The following RIMS2 variants were observed in gnomAD, a reference collection of about 807,000 sequenced individuals.
RIMS2 encodes regulating synaptic membrane exocytosis protein 2.
Under a neutral mutation model 174.4 loss-of-function variants are expected in RIMS2, and 59 were observed. That is an observed-to-expected ratio of 0.34 (90% CI 0.27 to 0.42). RIMS2 has a LOEUF of 0.42. Ranked by LOEUF, RIMS2 falls within the 10% of genes least tolerant of loss-of-function variation. The pLI is 1.00. For synonymous variants in RIMS2, 606 were observed against 572.5 expected (o/e 1.06, Z -0.84); for missense variants, 1,620 against 1,666.3 (o/e 0.97, Z 0.48).
At chr8:104,035,353 G>T (rs1226934822) in intron 19 of RIMS2, among the ~76,000 whole-genome samples, 5 of 151,404 alleles carry the variant, frequency 3.3e-5, no homozygotes, top group African/African-American at 4.9e-5. Flanking sequence ...GTAACAAATT[G>T]TGTTTTACAA....
chr8:104,029,668 GCTGA>G (rs1201004990), intron 19 of RIMS2, among the ~76,000 whole-genome samples: 1 of 151,952 alleles, frequency 6.6e-6, no homozygotes, highest in Non-Finnish European at 1.5e-5. Flanking sequence ...TTACAGATAG[GCTGA>G]CTATTTTTAA....
chr8:103,859,430 G>A (rs1338554928), intron 3 of RIMS2, among the ~76,000 whole-genome samples: 1 of 152,058 alleles, frequency 6.6e-6, no homozygotes, highest in Non-Finnish European at 1.5e-5. Flanking sequence ...ATCTCCAACA[G>A]AATTTTTTGT....
chr8:104,030,855 G>T (rs1312085917), intron 19 of RIMS2, among the ~76,000 whole-genome samples: 2 of 151,766 alleles, frequency 1.3e-5, no homozygotes, highest in Non-Finnish European at 1.5e-5. Context: ...CAATATTTAG[G>T]TCATAGTATA....
At chr8:103,523,892 T>C (rs1465909515) in intron 1 of RIMS2, among the ~76,000 whole-genome samples, 3 of 152,158 alleles carry the variant, frequency 2.0e-5, no homozygotes, top group Non-Finnish European at 4.4e-5. Flanking sequence ...AAATGATACA[T>C]TAAGTACAAC....
chr8:103,966,283 A>G (rs1271706498), intron 15 of RIMS2, among the ~76,000 whole-genome samples: 1 of 152,138 alleles, frequency 6.6e-6, no homozygotes, highest in African/African-American at 2.4e-5. Flanking sequence ...GGAGGATATT[A>G]ATTATTGATT....
intron 1 of RIMS2, among the ~76,000 whole-genome samples, chr8:103,563,509 C>T (rs544654449): frequency 2.6e-4 from 40 of 152,254 alleles, no homozygotes; most frequent in African/African-American, 8.4e-4. Context: ...TTTCATTGTC[C>T]ATATCATTAT....
intron 19 of RIMS2, among the ~76,000 whole-genome samples, chr8:104,116,813 CTAACT>C (rs2098284469): frequency 6.6e-6 from 1 of 151,990 alleles, no homozygotes; most frequent in Non-Finnish European, 1.5e-5. Context: ...CTTTATCAGT[CTAACT>C]TAAGTATAAA....
At chr8:103,500,814 CCGCCGCGCCGG>C in exon 1 of RIMS2, 1 of 971,170 alleles carries the variant, frequency 1.0e-6, no homozygotes, top group Non-Finnish European at 1.5e-6. Flanking sequence ...GCTGCCCCAG[CCGCCGCGCCGG>C]TGCCGCCGCT....
intron 19 of RIMS2, among the ~76,000 whole-genome samples, chr8:104,016,522 T>C (rs2095911425): frequency 3.9e-5 from 6 of 152,056 alleles, no homozygotes; most frequent in Admixed American, 3.9e-4. Flanking sequence ...ACTGATGGTC[T>C]GTTATGCTGC....
At chr8:103,699,498 G>C (rs1483547659) in intron 2 of RIMS2, among the ~76,000 whole-genome samples, 2 of 152,158 alleles carry the variant, frequency 1.3e-5, no homozygotes, top group South Asian at 4.1e-4. Context: ...CCAAAGTGCT[G>C]GGACTACAGG....
At chr8:103,739,377 C>G (rs557653549) in intron 2 of RIMS2, among the ~76,000 whole-genome samples, 2 of 151,980 alleles carry the variant, frequency 1.3e-5, no homozygotes, top group South Asian at 4.2e-4. Context: ...TGGGGCCTGT[C>G]GTAGGGTAGA....
At chr8:103,907,770 C>T (rs372496168) in intron 4 of RIMS2, among the ~76,000 whole-genome samples, 92 of 149,428 alleles carry the variant, frequency 6.2e-4, no homozygotes, top group South Asian at 1.5e-3. Context: ...TTTTTTGAGA[C>T]GGAGTCGCTC....
At chr8:103,753,948 A>C (rs2097935012) in intron 2 of RIMS2, among the ~76,000 whole-genome samples, 1 of 151,808 alleles carries the variant, frequency 6.6e-6, no homozygotes, top group African/African-American at 2.4e-5. Flanking sequence ...CTCTGATCTT[A>C]GTTATTTCTT....
At chr8:104,148,487 TA>T in intron 19 of RIMS2, 119 bp from the exon 25 acceptor site, 1 of 1,045,420 alleles carries the variant, frequency 9.6e-7, no homozygotes, top group Non-Finnish European at 1.3e-6. Context: ...TTTTAACTCC[TA>T]AAAATATATT....
intron 12 of RIMS2, among the ~76,000 whole-genome samples, chr8:103,932,545 G>C (rs2154531976): frequency 6.6e-6 from 1 of 152,220 alleles, no homozygotes; most frequent in Non-Finnish European, 1.5e-5. Flanking sequence ...TTGTCTTTTG[G>C]AGAGAGATAC....
chr8:103,816,106 A>G (rs1462322210), intron 3 of RIMS2, among the ~76,000 whole-genome samples: 1 of 152,188 alleles, frequency 6.6e-6, no homozygotes, highest in East Asian at 1.9e-4. Flanking sequence ...CGTTATCTAT[A>G]AACATTCTTT....
chr8:103,729,225 A>G lies in RIMS2; in HGVS notation c.387+31929A>G, dbSNP rs535951528. The stretch of plus-strand genomic sequence containing the variant: ...ATCCTGGGCTTTTCTTTGCTGGGAA[A>G]CTTTTAATTATGGCTTTGATCTCAT... On this transcript the variant is annotated intron_variant, in intron 2 of 23. Transcript: ENST00000504942. Among the ~76,000 whole-genome samples the G allele has an allele frequency of 4.6e-5, 7 of 152,068 alleles. No individual in the cohort carries two copies. The East Asian group carries it at 1.4e-3, about 29-fold the overall frequency.
chr8:103,759,815 A>T (rs1591816488), intron 2 of RIMS2, among the ~76,000 whole-genome samples: 1 of 152,120 alleles, frequency 6.6e-6, no homozygotes, highest in African/African-American at 2.4e-5. Flanking sequence ...AACCGAAGTG[A>T]GATCAGGTTT....
chr8:103,675,205 A>G (rs533533131), intron 1 of RIMS2, among the ~76,000 whole-genome samples: 1 of 152,250 alleles, frequency 6.6e-6, no homozygotes, highest in African/African-American at 2.4e-5. Flanking sequence ...AGCCACCAGA[A>G]CTGGTCCTGA....
Sources: gnomAD v4.1 joint callset for allele counts (sites outside exome capture counted in the v4.1 genomes callset) on GRCh38, gnomAD v4.1.1 for gene constraint, MANE v1.5 for transcripts, NCBI Gene and HGNC (gene_info 2026-07-23, HGNC 2026-07-21) for gene names.